MYH15: variants seen among roughly 807,000 people sequenced by gnomAD.
MYH15 encodes myosin heavy chain 15, also known as myosin-15.
A neutral mutation model predicts 240.5 loss-of-function variants in MYH15; 227 were observed. The ratio of observed to expected loss-of-function variants is 0.94; its 90% CI spans 0.85 to 1.05. The LOEUF (loss-of-function observed/expected upper bound fraction) is 1.05. Among genes scored for constraint, MYH15 ranks in the 50% least tolerant of loss-of-function variants. The pLI is 0.00. For synonymous variants in MYH15, 785 were observed against 796.7 expected (o/e 0.99, Z 0.25); for missense variants, 2,217 against 2,247.5 (o/e 0.99, Z 0.27).
At chr3:108,545,930 CCAT>C in the MYH15 span, among the ~76,000 whole-genome samples, 2 of 152,040 alleles carry the variant, frequency 1.3e-5, no homozygotes, top group Non-Finnish European at 2.9e-5. Context: ...CAATTTTGTG[CCAT>C]AATATTACTG....
chr3:108,507,226 AATATATATATATATAT>A (rs147101810), intron 1 of MYH15, among the ~76,000 whole-genome samples: 3,422 of 98,284 alleles, frequency 0.035, 147 homozygotes, highest in Non-Finnish European at 0.043. Flanking sequence ...AAGGAAAATG[AATATATATATATATAT>A]ATATATATAT....
chr3:108,507,276 T>C (rs115873645), intron 1 of MYH15, among the ~76,000 whole-genome samples: 21,409 of 97,270 alleles, frequency 0.22, 3,243 homozygotes, highest in Non-Finnish European at 0.3. Context: ...TATATATATA[T>C]ACACATATGA....
the MYH15 span, among the ~76,000 whole-genome samples, chr3:108,537,474 A>G: frequency 2.6e-5 from 4 of 152,224 alleles, no homozygotes; most frequent in African/African-American, 7.2e-5. Flanking sequence ...ACATGAGAGC[A>G]AAGTCCTCAC....
At position 108,500,095 on chromosome 3, in the gene MYH15, CATTT is replaced by C; in HGVS notation, c.496+19_496+22del. ...AAGTAGATCAGATATTTTTACTTTTCATTTTGTAGGGCAGCTACTCACTGTGAAG... is the reference window on the plus strand; with the variant it reads ...AAGTAGATCAGATATTTTTACTTTTCTGTAGGGCAGCTACTCACTGTGAAG... On this transcript the variant is annotated intron_variant, in intron 4 of 40. Coordinates refer to ENST00000693548, the MANE Select transcript of MYH15 (RefSeq NM_014981.3). 6.2e-7 allele frequency: 1 copy of C among 1,604,220 alleles called. No homozygotes were observed. Among genetic ancestry groups the C allele is most frequent in the Non-Finnish European group, 8.5e-7 (1 of 1,175,616 alleles).
chr3:108,527,722 G>A (rs533906111), intron 1 of MYH15, among the ~76,000 whole-genome samples: 1 of 150,350 alleles, frequency 6.7e-6, no homozygotes, highest in East Asian at 1.9e-4. Flanking sequence ...GGTTAAGAGT[G>A]GGCTCTGAAG....
chr3:108,412,254 ATGT>A (rs1176262386), intron 30 of MYH15, among the ~76,000 whole-genome samples: 1 of 152,156 alleles, frequency 6.6e-6, no homozygotes, highest in African/African-American at 2.4e-5. Flanking sequence ...GGTAACCTTC[ATGT>A]TGTTCTCATG....
At chr3:108,493,051 A>AGAAGG (rs1560425523) in intron 8 of MYH15, 63 bp downstream of exon 8, 59 of 1,345,434 alleles carry the variant, frequency 4.4e-5, no homozygotes, top group Non-Finnish European at 6.2e-5. Flanking sequence ...GGAAGGAAAG[A>AGAAGG]GAAGGGAAGG....
chr3:108,476,858 T>C (rs1373481063), intron 11 of MYH15, among the ~76,000 whole-genome samples: 2 of 152,134 alleles, frequency 1.3e-5, no homozygotes, highest in Non-Finnish European at 2.9e-5. Flanking sequence ...TGAACCCTCA[T>C]GCATTGTGGG....
chr3:108,426,215 A>G (rs2082723785), intron 27 of MYH15, among the ~76,000 whole-genome samples: 1 of 151,862 alleles, frequency 6.6e-6, no homozygotes, highest in Admixed American at 6.6e-5. Context: ...GAAAAAAAAA[A>G]AAAACCCTAA....
intron 9 of MYH15, among the ~76,000 whole-genome samples, chr3:108,489,803 G>A (rs1438303645): frequency 6.6e-6 from 1 of 152,174 alleles, no homozygotes; most frequent in Non-Finnish European, 1.5e-5. Flanking sequence ...TGGATGGTAA[G>A]AGTTCCAGAT....
intron 35 of MYH15, among the ~76,000 whole-genome samples, chr3:108,398,197 T>C (rs1387625171): frequency 6.6e-6 from 1 of 152,126 alleles, no homozygotes; most frequent in Non-Finnish European, 1.5e-5. Context: ...CAACAGACCC[T>C]CGCAGCGGGA....
At chr3:108,510,272 T>C (rs1479334062) in intron 1 of MYH15, among the ~76,000 whole-genome samples, 171 bp downstream of exon 1, 1 of 152,160 alleles carries the variant, frequency 6.6e-6, no homozygotes, top group Non-Finnish European at 1.5e-5. Flanking sequence ...CTTCCATTCC[T>C]ACCCTGGATA....
At chr3:108,450,198 T>C (rs1237249006) in intron 21 of MYH15, among the ~76,000 whole-genome samples, 1 of 152,086 alleles carries the variant, frequency 6.6e-6, no homozygotes, top group African/African-American at 2.4e-5. Flanking sequence ...ATCAATCCCA[T>C]TAATATTTCA....
chr3:108,485,043 G>T, intron 11 of MYH15, 48 bp downstream of exon 11: 1 of 1,594,636 alleles, frequency 6.3e-7, no homozygotes. Context: ...GAGCAGGCTT[G>T]GGCCCAGAGA....
At chr3:108,408,126 T>C (rs927981227) in intron 32 of MYH15, among the ~76,000 whole-genome samples, 154 bp downstream of exon 32, 2 of 152,262 alleles carry the variant, frequency 1.3e-5, no homozygotes, top group East Asian at 3.8e-4. Context: ...TTTCCTACGG[T>C]GATTATATTA....
At chr3:108,533,103 TA>T (rs1415786737), upstream of MYH15, among the ~76,000 whole-genome samples, 1 of 143,092 alleles carries the variant, frequency 7.0e-6, no homozygotes, top group Non-Finnish European at 1.5e-5. Context: ...GATATATTTT[TA>T]AAAACAATAA....
chr3:108,384,055 C>A (rs913963163), intron 39 of MYH15, among the ~76,000 whole-genome samples: 2 of 152,116 alleles, frequency 1.3e-5, no homozygotes, highest in Non-Finnish European at 2.9e-5. Context: ...ACATCCTATT[C>A]TACCCCTGGG....
chr3:108,405,456 G>A lies in MYH15; in HGVS notation c.4621-3C>T. Reference sequence around the variant, plus strand: ...CTTTCATTACGTTCCAGGGCTCCCTGGAATACATAAATAAAAAGCATTAAA... The same window carrying A: ...CTTTCATTACGTTCCAGGGCTCCCTAGAATACATAAATAAAAAGCATTAAA... On this transcript the variant is annotated splice_polypyrimidine_tract_variant and splice_region_variant and intron_variant, in intron 32 of 40. Coordinates refer to ENST00000693548, the MANE Select transcript of MYH15 (RefSeq NM_014981.3). 1 of 1,462,538 alleles carries A rather than the reference G, an allele frequency of 6.8e-7. No homozygotes were observed. Among genetic ancestry groups the A allele is most frequent in the Non-Finnish European group, 9.2e-7 (1 of 1,087,430 alleles). 90.6% of individuals were successfully genotyped at this position (1,462,538 alleles called of 1,614,324 possible).
At chr3:108,406,861 C>A (rs1232360341) in intron 32 of MYH15, among the ~76,000 whole-genome samples, 2 of 152,254 alleles carry the variant, frequency 1.3e-5, no homozygotes, top group East Asian at 1.9e-4. Context: ...AAAGATGCCT[C>A]TGTGTTATAC....
Sources: allele counts gnomAD v4.1 joint callset (sites outside exome capture counted in the v4.1 genomes callset), GRCh38; gene constraint gnomAD v4.1.1; transcripts MANE v1.5; gene names NCBI Gene and HGNC (gene_info 2026-07-23, HGNC 2026-07-21).